The following IL1RAPL1 variants were observed in gnomAD, a reference collection of about 807,000 sequenced individuals.
The protein encoded by IL1RAPL1 is interleukin 1 receptor accessory protein like 1.
A neutral mutation model predicts 48.4 loss-of-function variants in IL1RAPL1; 3 were observed. That is an observed-to-expected ratio of 0.06 (90% CI 0.03 to 0.16). IL1RAPL1 has a LOEUF of 0.16. Among genes scored for constraint, IL1RAPL1 ranks in the 10% least tolerant of loss-of-function variants. IL1RAPL1 has a pLI of 1.00. For missense variants in IL1RAPL1, 349 were observed against 530.6 expected, an observed-to-expected ratio of 0.66 and a Z score of 3.36; for synonymous variants, 185 against 187.7, an observed-to-expected ratio of 0.99 and a Z score of 0.12.
intron 8 of IL1RAPL1, among the ~76,000 whole-genome samples, chrX:29,940,369 G>C (rs574092411): frequency 3.6e-5 from 4 of 111,799 alleles, no homozygotes; most frequent in Non-Finnish European, 5.6e-5. Flanking sequence ...CAGCAAAACC[G>C]TGGATCATTT....
chrX:29,733,448 T>A (rs143233280), intron 6 of IL1RAPL1, among the ~76,000 whole-genome samples: 157 of 112,131 alleles, frequency 1.4e-3, no homozygotes, highest in Non-Finnish European at 2.4e-3. Flanking sequence ...TTTACTTAAT[T>A]GGAGTTCTGT....
chrX:28,732,653 C>T (rs1351138319), intron 1 of IL1RAPL1, among the ~76,000 whole-genome samples: 2 of 111,147 alleles, frequency 1.8e-5, no homozygotes, highest in Non-Finnish European at 3.8e-5. Context: ...GGGTGGATCA[C>T]GAGGTCAAGA....
intron 2 of IL1RAPL1, among the ~76,000 whole-genome samples, chrX:29,279,530 T>C (rs1932169480): frequency 8.9e-6 from 1 of 111,976 alleles, no homozygotes; most frequent in Non-Finnish European, 1.9e-5. Flanking sequence ...TATTGAACCA[T>C]TTTAAGTTTA....
At chrX:29,019,706 G>A (rs1426928055) in intron 2 of IL1RAPL1, among the ~76,000 whole-genome samples, 7 of 112,051 alleles carry the variant, frequency 6.2e-5, no homozygotes, top group African/African-American at 1.9e-4. Context: ...TACAAATCTG[G>A]TAAATCTTAT....
In IL1RAPL1 at chrX:28,794,667, G is replaced by A. The variant is rs1223885397; in HGVS notation, c.82+5242G>A. Among the ~76,000 whole-genome samples the A allele has an allele frequency of 1.8e-5, 2 of 111,717 alleles. 1 individual carries two copies. The highest frequency in any genetic ancestry group is 3.8e-5 in the Non-Finnish European group (2 of 53,083). ...GACACCTGTTTGTGTAAATGATTTAGATGCAATTCTTCTAGACAGCAAGAG... is the reference window on the plus strand; with the variant it reads ...GACACCTGTTTGTGTAAATGATTTAAATGCAATTCTTCTAGACAGCAAGAG... On this transcript the variant is annotated intron_variant, in intron 2 of 10. Transcript: ENST00000378993.
At chrX:29,161,357 TAATC>T (rs930688199) in intron 2 of IL1RAPL1, among the ~76,000 whole-genome samples, 6 of 111,808 alleles carry the variant, frequency 5.4e-5, no homozygotes, top group Non-Finnish European at 1.1e-4. Context: ...ATAGGTATCA[TAATC>T]AAGGAAACAA....
chrX:28,931,864 C>T (rs1023707170), intron 2 of IL1RAPL1, among the ~76,000 whole-genome samples: 2 of 107,444 alleles, frequency 1.9e-5, no homozygotes, highest in African/African-American at 3.4e-5. Context: ...GGTGAAACCC[C>T]GTCTCTACTA....
At chrX:29,183,475 C>A (rs1930187062) in intron 2 of IL1RAPL1, among the ~76,000 whole-genome samples, 1 of 111,519 alleles carries the variant, frequency 9.0e-6, no homozygotes, top group African/African-American at 3.3e-5. Context: ...AAAGTGCAAG[C>A]AGGTGACTTT....
intron 5 of IL1RAPL1, among the ~76,000 whole-genome samples, chrX:29,439,790 A>G (rs1934521740): frequency 9.3e-6 from 1 of 107,151 alleles, no homozygotes. Flanking sequence ...TTCAGAATAT[A>G]CTTTATAGTA....
At chrX:29,416,537 AAAACAAAC>A (rs891493783) in intron 5 of IL1RAPL1, among the ~76,000 whole-genome samples, 2 of 111,195 alleles carry the variant, frequency 1.8e-5, no homozygotes, top group African/African-American at 6.5e-5. Context: ...ACTCCGTCTC[AAAACAAAC>A]AAACAAACAA....
At chrX:29,266,105 C>G (rs1278139135) in intron 2 of IL1RAPL1, among the ~76,000 whole-genome samples, 1 of 111,000 alleles carries the variant, frequency 9.0e-6, no homozygotes, top group Non-Finnish European at 1.9e-5. Flanking sequence ...ACCCAGCCAT[C>G]CCATTACTGG....
chrX:28,931,778 C>T (rs950195353), intron 2 of IL1RAPL1, among the ~76,000 whole-genome samples: 3 of 111,259 alleles, frequency 2.7e-5, no homozygotes, highest in Non-Finnish European at 5.7e-5. Context: ...TGGCTCACGC[C>T]TGTAATCCCA....
chrX:29,887,522 T>C lies in IL1RAPL1; in HGVS notation c.779-29942T>C, dbSNP rs746472512. On this transcript the variant is annotated intron_variant, in intron 6 of 10. Coordinates refer to ENST00000378993, the MANE Select transcript of IL1RAPL1 (RefSeq NM_014271.4). ...GTTGCATTGGTGGTGGTGAGTGAGA[T>C]TCAGCTATGTCAAATCTCTCCATTT... Among the ~76,000 whole-genome samples, 6 of 111,992 alleles carry C rather than the reference T, an allele frequency of 5.4e-5. No individual in the cohort carries two copies. The East Asian group carries it at 1.7e-3, about 31-fold the overall frequency.
intron 6 of IL1RAPL1, among the ~76,000 whole-genome samples, chrX:29,701,647 G>A (rs1927048990): frequency 9.0e-6 from 1 of 111,447 alleles, no homozygotes; most frequent in African/African-American, 3.3e-5. Context: ...AATTTGTTGA[G>A]AAAGAGCTGC....
At chrX:29,799,788 A>G (rs1216750140) in intron 6 of IL1RAPL1, among the ~76,000 whole-genome samples, 1 of 111,667 alleles carries the variant, frequency 9.0e-6, no homozygotes, top group Non-Finnish European at 1.9e-5. Context: ...GAGGAAATAC[A>G]TTTTTAAAAA....
chrX:28,764,818 AACAC>A (rs759195422), intron 1 of IL1RAPL1, among the ~76,000 whole-genome samples: 2 of 107,207 alleles, frequency 1.9e-5, no homozygotes, highest in African/African-American at 3.4e-5. Context: ...CATGCACGCA[AACAC>A]ACACACACAC....
intron 3 of IL1RAPL1, among the ~76,000 whole-genome samples, chrX:29,391,236 C>G (rs1933849974): frequency 9.0e-6 from 1 of 111,003 alleles, no homozygotes; most frequent in Non-Finnish European, 1.9e-5. Context: ...TCTTCTATTT[C>G]AAAGTACAAC....
intron 3 of IL1RAPL1, among the ~76,000 whole-genome samples, chrX:29,326,099 A>G (rs1932840977): frequency 8.9e-6 from 1 of 112,370 alleles, no homozygotes; most frequent in African/African-American, 3.2e-5. Context: ...ATCAGCAATT[A>G]TGTAGCTACA....
intron 2 of IL1RAPL1, among the ~76,000 whole-genome samples, chrX:28,868,927 G>T (rs1922141396): frequency 1.8e-5 from 2 of 111,511 alleles, no homozygotes; most frequent in African/African-American, 3.3e-5. Context: ...ATCCATTTAG[G>T]ATGTAAAATC....
Sources: gnomAD v4.1 joint callset for allele counts (sites outside exome capture counted in the v4.1 genomes callset) on GRCh38, gnomAD v4.1.1 for gene constraint, MANE v1.5 for transcripts, NCBI Gene and HGNC (gene_info 2026-07-23, HGNC 2026-07-21) for gene names.